FHIT: variants seen among roughly 807,000 people sequenced by gnomAD.
FHIT encodes bis(5'-adenosyl)-triphosphatase.
In FHIT, 19 loss-of-function variants were observed where a neutral mutation model predicts 17.9. The observed-to-expected ratio is 1.06, with a 90% CI of 0.74 to 1.56. The LOEUF is 1.56. FHIT is among the 40% of genes most tolerant of loss of function. The pLI, the probability that FHIT is intolerant of heterozygous loss-of-function variation, is 0.00. For missense variants in FHIT, 248 were observed against 189.2 expected, an observed-to-expected ratio of 1.31 and a Z score of -1.82; for synonymous variants, 81 against 69.7, an observed-to-expected ratio of 1.16 and a Z score of -0.81.
intron 5 of FHIT, among the ~76,000 whole-genome samples, chr3:60,293,514 C>T (rs1343574274): frequency 2.6e-5 from 4 of 152,140 alleles, no homozygotes; most frequent in African/African-American, 9.7e-5. Context: ...ATTCATGTCA[C>T]TTAATGGGGA....
At chr3:59,750,284 G>C in intron 9 of FHIT, 1 of 225,698 alleles carries the variant, frequency 4.4e-6, no homozygotes, top group East Asian at 6.4e-5. Context: ...TGGGAAAAAG[G>C]CTAAAGCTTT....
intron 3 of FHIT, among the ~76,000 whole-genome samples, chr3:60,894,563 A>G (rs191682559): frequency 2.4e-4 from 36 of 152,304 alleles, no homozygotes; most frequent in Admixed American, 6.5e-4. Flanking sequence ...GAAATGAGCT[A>G]TCTTGAAATG....
At chr3:60,083,815 T>C (rs1355403485) in intron 5 of FHIT, among the ~76,000 whole-genome samples, 1 of 152,172 alleles carries the variant, frequency 6.6e-6, no homozygotes, top group Non-Finnish European at 1.5e-5. Context: ...CAAAAACAAA[T>C]AGTGGGCCAA....
chr3:60,796,577 G>C (rs1336710947), intron 4 of FHIT, among the ~76,000 whole-genome samples: 2 of 152,034 alleles, frequency 1.3e-5, no homozygotes, highest in Non-Finnish European at 2.9e-5. Flanking sequence ...TATCAAAGAG[G>C]GTTGTTGTTT....
rs1702287400 is a variant in FHIT at position 59,858,826 on chromosome 3, G to T, written c.348+63520C>A. Among the ~76,000 whole-genome samples, 3 of 151,970 alleles carry T rather than the reference G, an allele frequency of 2.0e-5. No individual in the cohort carries two copies. In the South Asian group the frequency reaches 6.2e-4, roughly 32 times the overall value. On this transcript the variant is annotated intron_variant, in intron 8 of 9. Coordinates refer to ENST00000492590, the MANE Select transcript of FHIT (RefSeq NM_002012.4). ...GAAGGTATTTATAAATGTGGAAGGG[G>T]GAAAAGACTTAGATTTGAATTGAAG...
intron 5 of FHIT, among the ~76,000 whole-genome samples, chr3:60,022,915 T>C (rs1700604130): frequency 6.6e-6 from 1 of 152,204 alleles, no homozygotes; most frequent in South Asian, 2.1e-4. Flanking sequence ...GAAAATCTAT[T>C]ATTATTGTTA....
chr3:61,116,722 G>A (rs2036309952), intron 2 of FHIT, among the ~76,000 whole-genome samples: 1 of 151,888 alleles, frequency 6.6e-6, no homozygotes. Flanking sequence ...ATAATTTGAA[G>A]CCAGACAGTT....
chr3:60,033,720 C>G (rs1165261068), intron 5 of FHIT, among the ~76,000 whole-genome samples: 1 of 152,144 alleles, frequency 6.6e-6, no homozygotes, highest in Admixed American at 6.5e-5. Flanking sequence ...TGAAGGTAAA[C>G]AGGCCATCCT....
rs185348082 is a variant in FHIT at position 59,801,008 on chromosome 3, A to G, written c.349-48687T>C. The stretch of plus-strand genomic sequence containing the variant: ...AAGAGTTGTTGTACATTTCTTTGCA[A>G]TTGGGTAGGGAAAGATCTTGAAAGG... On this transcript the variant is annotated intron_variant, in intron 8 of 9. Coordinates refer to ENST00000492590, the MANE Select transcript of FHIT (RefSeq NM_002012.4). Among the ~76,000 whole-genome samples the G allele has an allele frequency of 2.6e-5, 4 of 152,282 alleles. No homozygotes were observed. The East Asian group carries it at 5.8e-4, about 22-fold the overall frequency.
chr3:60,856,605 TCAAAGTG>T (rs1559774820), intron 3 of FHIT: 1 of 152,130 alleles, frequency 6.6e-6, no homozygotes, highest in African/African-American at 2.4e-5. Context: ...AATATAATCT[TCAAAGTG>T]ATCTTTTAAA....
chr3:61,031,135 AT>A lies in FHIT; in HGVS notation c.-111+10911del, dbSNP rs532206898. On this transcript the variant is annotated intron_variant, in intron 3 of 9. Coordinates refer to ENST00000492590, the MANE Select transcript of FHIT (RefSeq NM_002012.4). The stretch of plus-strand genomic sequence containing the variant: ...ATGACTATAAGTAAAAGTTATTATT[AT>A]TTTTTAATTCAAGGTCATGTTCAGA... 2.8e-3 allele frequency among the ~76,000 whole-genome samples: 424 copies of A among 152,296 alleles called. 4 individuals are homozygous for A. Among genetic ancestry groups the A allele is most frequent in the African/African-American group, 9.4e-3 (392 of 41,570 alleles).
At chr3:61,233,988 A>T (rs1485983289) in intron 1 of FHIT, among the ~76,000 whole-genome samples, 2 of 152,250 alleles carry the variant, frequency 1.3e-5, no homozygotes, top group East Asian at 3.8e-4. Context: ...CTTGCAGCTG[A>T]AAGCATTTGA....
At chr3:60,138,602 A>G (rs905698463) in intron 5 of FHIT, among the ~76,000 whole-genome samples, 3 of 152,042 alleles carry the variant, frequency 2.0e-5, no homozygotes, top group African/African-American at 4.8e-5. Flanking sequence ...TGACAACCTC[A>G]TAAGTTGTCA....
rs370340555 is a variant in FHIT, at chr3:59,974,533, T to C, written c.279+36838A>G. 1.1e-4 allele frequency among the ~76,000 whole-genome samples: 16 copies of C among 152,282 alleles called. No homozygotes were observed. The East Asian group carries it at 2.9e-3, about 28-fold the overall frequency. On this transcript the variant is annotated intron_variant, in intron 7 of 9. Coordinates refer to ENST00000492590, the MANE Select transcript of FHIT (RefSeq NM_002012.4). ...AACACAGACTTTATTTTCTACCTCA[T>C]CTGTCTTGCATTTCCTTGTGCTTAA...
intron 2 of FHIT, among the ~76,000 whole-genome samples, chr3:61,150,990 TA>T (rs995836103): frequency 1.4e-4 from 22 of 152,056 alleles, no homozygotes; most frequent in Admixed American, 6.6e-5. Flanking sequence ...TACATACCTT[TA>T]AAAAAAATCT....
At chr3:60,736,552 T>C (rs9821316) in intron 4 of FHIT, among the ~76,000 whole-genome samples, 3,932 of 152,294 alleles carry the variant, frequency 0.026, 193 homozygotes, top group African/African-American at 0.088. Flanking sequence ...AAAGACCACA[T>C]ATCATATGAT....
intron 4 of FHIT, among the ~76,000 whole-genome samples, chr3:60,737,108 G>A (rs562152399): frequency 6.6e-6 from 1 of 152,270 alleles, no homozygotes; most frequent in South Asian, 2.1e-4. Flanking sequence ...GAGGTTAACA[G>A]CATGCAACAT....
At chr3:60,599,206 T>C (rs536175442) in intron 4 of FHIT, among the ~76,000 whole-genome samples, 26 of 152,238 alleles carry the variant, frequency 1.7e-4, no homozygotes, top group African/African-American at 6.0e-4. Flanking sequence ...TTGCATTGTC[T>C]ATAATTTTAT....
chr3:61,190,375 A>G (rs2038674667), intron 2 of FHIT, among the ~76,000 whole-genome samples: 1 of 152,218 alleles, frequency 6.6e-6, no homozygotes, highest in Non-Finnish European at 1.5e-5. Context: ...TCAAAACCAC[A>G]ATGAGATACC....
Sources: gnomAD v4.1 joint callset for allele counts (sites outside exome capture counted in the v4.1 genomes callset) on GRCh38, gnomAD v4.1.1 for gene constraint, MANE v1.5 for transcripts, NCBI Gene and HGNC (gene_info 2026-07-23, HGNC 2026-07-21) for gene names.